Variants in FCHSD2 observed in about 807,000 individuals in gnomAD.
FCHSD2 encodes the protein FCH and double SH3 domains 2, also known as F-BAR and double SH3 domains protein 2.
In FCHSD2, 38 loss-of-function variants were observed where a neutral mutation model predicts 108.1. The ratio of observed to expected loss-of-function variants is 0.35; its 90% confidence interval spans 0.27 to 0.46. The LOEUF is 0.46. Ranked by LOEUF, FCHSD2 falls within the 20% of genes least tolerant of loss-of-function variation. FCHSD2 has a pLI of 1.00. For missense variants in FCHSD2, 751 were observed against 897.8 expected (o/e 0.84, Z 2.09); for synonymous variants, 279 against 314.7 (o/e 0.89, Z 1.20).
At chr11:72,844,240 C>T (rs1476625547) in intron 14 of FCHSD2, among the ~76,000 whole-genome samples, 1 of 152,038 alleles carries the variant, frequency 6.6e-6, no homozygotes. Context: ...CAGAGGGCTC[C>T]CATGGACAAG....
chr11:72,872,943 G>A (rs1445698460), intron 12 of FCHSD2, among the ~76,000 whole-genome samples: 1 of 152,162 alleles, frequency 6.6e-6, no homozygotes, highest in Non-Finnish European at 1.5e-5. Flanking sequence ...CCTGGCAAAT[G>A]CTTGTTAATG....
chr11:73,089,609 G>C (rs1308024404), intron 2 of FCHSD2, among the ~76,000 whole-genome samples: 3 of 152,178 alleles, frequency 2.0e-5, no homozygotes, highest in Non-Finnish European at 1.5e-5. Flanking sequence ...CCATAAGAAA[G>C]AATGAAGTAC....
intron 12 of FCHSD2, among the ~76,000 whole-genome samples, chr11:72,880,315 A>G (rs1342712729): frequency 6.6e-6 from 1 of 152,228 alleles, no homozygotes; most frequent in Non-Finnish European, 1.5e-5. Flanking sequence ...GAATAGCCAA[A>G]GCAATTCTGA....
At position 72,998,471 on chromosome 11, in the gene FCHSD2, G is replaced by A. The variant is rs140088581; in HGVS notation, c.387+2519C>T. On this transcript the variant is annotated intron_variant, in intron 5 of 19. Transcript: ENST00000409418. Reference sequence around the variant, plus strand: ...GTGGGAGGATCACCTGAGCCCAAGAGGCAGAGGTTGCTGTGAGCGAGATCA... The same window carrying A: ...GTGGGAGGATCACCTGAGCCCAAGAAGCAGAGGTTGCTGTGAGCGAGATCA... Among the ~76,000 whole-genome samples, 523 of 152,178 alleles carry A rather than the reference G, an allele frequency of 3.4e-3. 1 individual carries two copies. The highest frequency in any genetic ancestry group is 0.012 in the African/African-American group (500 of 41,512).
intron 6 of FCHSD2, among the ~76,000 whole-genome samples, chr11:72,988,553 T>A (rs1397320536): frequency 1.3e-5 from 2 of 152,202 alleles, no homozygotes. Flanking sequence ...GATGTGTTCA[T>A]GGACCTTCAG....
In FCHSD2 at chr11:72,948,810, T is replaced by G. The variant is rs1438658939; in HGVS notation, c.706-26860A>C. Among the ~76,000 whole-genome samples the G allele has an allele frequency of 4.0e-5, 6 of 151,894 alleles. No homozygotes were observed. In the South Asian group the frequency reaches 1.3e-3, roughly 32 times the overall value. The stretch of plus-strand genomic sequence containing the variant: ...TCTCCCGAGTAGCTGGGACTACAGG[T>G]GCCCGCCACTACGCCTGGCTAATTT... On this transcript the variant is annotated intron_variant, in intron 8 of 19. Coordinates refer to ENST00000409418, the MANE Select transcript of FCHSD2 (RefSeq NM_014824.3).
rs145885705 is a variant in FCHSD2, at chr11:73,107,397, A to T, written c.120-23657T>A. On this transcript the variant is annotated intron_variant, in intron 2 of 19. Transcript: ENST00000409418. Reference sequence around the variant, plus strand: ...AGGTATACAGCAGGTGTATATATAGATGAGGACATGAGATATTTTGATACA... The same window carrying T: ...AGGTATACAGCAGGTGTATATATAGTTGAGGACATGAGATATTTTGATACA... Among the ~76,000 whole-genome samples, 7 of 152,258 alleles carry T rather than the reference A, an allele frequency of 4.6e-5. No homozygotes were observed. The East Asian group carries it at 1.3e-3, about 29-fold the overall frequency.
At chr11:73,099,785 G>A (rs1441209719) in intron 2 of FCHSD2, among the ~76,000 whole-genome samples, 4 of 152,198 alleles carry the variant, frequency 2.6e-5, no homozygotes, top group South Asian at 2.1e-4. Flanking sequence ...CTGCTCCAGC[G>A]GGGCTGTGGC....
intron 6 of FCHSD2, among the ~76,000 whole-genome samples, chr11:72,987,613 T>C (rs976879697): frequency 6.6e-6 from 1 of 152,178 alleles, no homozygotes; most frequent in Admixed American, 6.5e-5. Context: ...CCCTCTGAAT[T>C]TGGGTCATGT....
chr11:72,938,176 G>GT (rs67901943), intron 8 of FCHSD2, among the ~76,000 whole-genome samples: 7 of 112,560 alleles, frequency 6.2e-5, no homozygotes, highest in African/African-American at 1.5e-4. Flanking sequence ...TTATGAAGGA[G>GT]TTTTTTTTTT....
chr11:72,921,578 A>G (rs748109834), intron 9 of FCHSD2, among the ~76,000 whole-genome samples: 1 of 152,256 alleles, frequency 6.6e-6, no homozygotes, highest in Non-Finnish European at 1.5e-5. Context: ...AAGGCAATGC[A>G]CATGGCAATG....
chr11:73,011,283 G>A (rs1295885313), intron 4 of FCHSD2, among the ~76,000 whole-genome samples: 2 of 152,160 alleles, frequency 1.3e-5, no homozygotes, highest in South Asian at 4.1e-4. Context: ...GCTCAGGTGG[G>A]AGGCAGTAGT....
intron 3 of FCHSD2, among the ~76,000 whole-genome samples, chr11:73,045,018 C>A (rs1043792447): frequency 2.0e-5 from 3 of 149,724 alleles, no homozygotes; most frequent in African/African-American, 7.4e-5. Flanking sequence ...TGCAGTGAGC[C>A]GAGATCGCTC....
intron 4 of FCHSD2, among the ~76,000 whole-genome samples, chr11:73,006,832 G>C (rs1857751483): frequency 1.3e-5 from 2 of 152,226 alleles, no homozygotes; most frequent in Non-Finnish European, 2.9e-5. Flanking sequence ...ACAGGGTATG[G>C]CATAGCAGGC....
chr11:73,034,157 G>A (rs1192729296), intron 3 of FCHSD2, among the ~76,000 whole-genome samples: 4 of 152,054 alleles, frequency 2.6e-5, no homozygotes, highest in African/African-American at 4.8e-5. Flanking sequence ...TACATGTGCC[G>A]TGGTGGTTTG....
At chr11:72,910,855 T>A (rs1855750805) in intron 9 of FCHSD2, among the ~76,000 whole-genome samples, 1 of 150,806 alleles carries the variant, frequency 6.6e-6, no homozygotes, top group South Asian at 2.1e-4. Flanking sequence ...AAAAATTTCC[T>A]ATAGAGTTGT....
chr11:72,902,774 G>A (rs759933529), intron 9 of FCHSD2, 136 bp from the exon 10 acceptor site: 2 of 554,558 alleles, frequency 3.6e-6, no homozygotes, highest in African/African-American at 1.9e-5. Flanking sequence ...AAGAAATGGT[G>A]TTACGCATTT....
chr11:72,887,423 A>G (rs1264896298), intron 12 of FCHSD2, 47 bp downstream of exon 12: 1 of 1,134,202 alleles, frequency 8.8e-7, no homozygotes. Flanking sequence ...CAGCTGTGAC[A>G]GTGTCATTAG....
chr11:72,944,976 C>T (rs1402536239), intron 8 of FCHSD2, among the ~76,000 whole-genome samples: 1 of 152,212 alleles, frequency 6.6e-6, no homozygotes, highest in East Asian at 1.9e-4. Flanking sequence ...CCATACTGCC[C>T]AAGGTAAATT....
Sources: allele counts gnomAD v4.1 joint callset (sites outside exome capture counted in the v4.1 genomes callset), GRCh38; gene constraint gnomAD v4.1.1; transcripts MANE v1.5; gene names NCBI Gene and HGNC (gene_info 2026-07-23, HGNC 2026-07-21).